The following CACNA1C variants were observed in gnomAD, a reference collection of about 807,000 sequenced individuals.
The protein encoded by CACNA1C is voltage-dependent L-type calcium channel subunit alpha-1C.
A neutral mutation model predicts 229.0 loss-of-function variants in CACNA1C; 30 were observed. The ratio of observed to expected loss-of-function variants is 0.13; its 90% CI spans 0.10 to 0.18. The LOEUF (loss-of-function observed/expected upper bound fraction) is 0.18. Among genes scored for constraint, CACNA1C ranks in the 10% least tolerant of loss-of-function variants. The pLI is 1.00. For synonymous variants in CACNA1C, 1,114 were observed against 1,132.5 expected (o/e 0.98, Z 0.33); for missense variants, 1,658 against 2,845.0 (o/e 0.58, Z 9.49).
intron 5 of CACNA1C, among the ~76,000 whole-genome samples, chr12:2,482,695 A>C (rs759322655): frequency 6.6e-6 from 1 of 152,142 alleles, no homozygotes; most frequent in Non-Finnish European, 1.5e-5. Flanking sequence ...GATACCTCTG[A>C]GGATGGGGAA....
chr12:2,506,177 T>C (rs2099771425), intron 8 of CACNA1C, among the ~76,000 whole-genome samples: 1 of 152,182 alleles, frequency 6.6e-6, no homozygotes, highest in Non-Finnish European at 1.5e-5. Context: ...CACAGGAGAC[T>C]AGTGCCTTCC....
chr12:2,659,599 C>T (rs756386119), intron 34 of CACNA1C, among the ~76,000 whole-genome samples: 42 of 151,730 alleles, frequency 2.8e-4, no homozygotes, highest in East Asian at 1.7e-3. Flanking sequence ...AAATTCAGAG[C>T]CTGAAATTTA....
At chr12:2,641,670 C>T in intron 30 of CACNA1C, 1 of 701,108 alleles carries the variant, frequency 1.4e-6, no homozygotes, top group Admixed American at 2.0e-5. Flanking sequence ...TGGGTGGTAG[C>T]AACTCAGTGA....
intron 3 of CACNA1C, among the ~76,000 whole-genome samples, chr12:2,172,308 T>C (rs2096517426): frequency 6.6e-6 from 1 of 152,208 alleles, no homozygotes; most frequent in Non-Finnish European, 1.5e-5. Context: ...AGCCAGAGGC[T>C]CTATCCTGCT....
intron 1 of CACNA1C, among the ~76,000 whole-genome samples, chr12:2,014,566 A>G (rs1278623858): frequency 6.6e-6 from 1 of 152,206 alleles, no homozygotes; most frequent in Admixed American, 6.5e-5. Context: ...TGGACACATA[A>G]GCAGGTAATC....
chr12:2,565,233 C>T (rs982808852), intron 11 of CACNA1C, among the ~76,000 whole-genome samples: 26 of 152,040 alleles, frequency 1.7e-4, no homozygotes, highest in Non-Finnish European at 2.9e-4. Flanking sequence ...CTTTGGGAGG[C>T]CGAGGCGGGT....
intron 3 of CACNA1C, among the ~76,000 whole-genome samples, chr12:2,356,948 G>A (rs996778618): frequency 5.3e-5 from 8 of 152,186 alleles, no homozygotes; most frequent in African/African-American, 1.7e-4. Context: ...TGCCTTGGCC[G>A]TTCTAGAGTG....
intron 3 of CACNA1C, among the ~76,000 whole-genome samples, chr12:2,253,062 C>G (rs1319595789): frequency 1.3e-5 from 2 of 152,152 alleles, no homozygotes; most frequent in East Asian, 3.9e-4. Flanking sequence ...CTCTTTATGC[C>G]CTTGTCCCCA....
chr12:2,059,968 AT>A (rs1480474056), intron 1 of CACNA1C, among the ~76,000 whole-genome samples: 2 of 152,108 alleles, frequency 1.3e-5, no homozygotes, highest in Admixed American at 6.5e-5. Context: ...AATTTCTGCG[AT>A]GTTAGATTTA....
chr12:2,437,332 A>G (rs2099144240), intron 3 of CACNA1C, among the ~76,000 whole-genome samples: 1 of 152,172 alleles, frequency 6.6e-6, no homozygotes, highest in Admixed American at 6.5e-5. Context: ...CAAAGCCCCA[A>G]CACACTTCCC....
chr12:2,120,656 C>CTGTGTGTGTGTGTGTGTGTG (rs112680750), intron 3 of CACNA1C, among the ~76,000 whole-genome samples: 17 of 139,856 alleles, frequency 1.2e-4, no homozygotes, highest in Admixed American at 3.5e-4. Flanking sequence ...GTGGTGAGCT[C>CTGTGTGTGTGTGTGTGTGTG]TGTGTGTGTG....
chr12:2,575,055 G>C lies in CACNA1C; in HGVS notation c.1896-6535G>C, dbSNP rs1407800435. Among the ~76,000 whole-genome samples the C allele has an allele frequency of 3.9e-5, 6 of 152,176 alleles. No individual in the cohort carries two copies. The highest frequency in any genetic ancestry group is 1.4e-4 in the African/African-American group (6 of 41,434). On this transcript the variant is annotated intron_variant, in intron 13 of 46. Transcript: ENST00000399655. The surrounding 1 kb of genome is among the most constrained non-coding windows in gnomAD (Gnocchi z 4.0). Reference sequence around the variant, plus strand: ...AAGCTCAGAGAAGCATGCTGCTAAGGCCATCCCCAGGTCCAGGCCAGACCA... The same window carrying C: ...AAGCTCAGAGAAGCATGCTGCTAAGCCCATCCCCAGGTCCAGGCCAGACCA...
intron 18 of CACNA1C, among the ~76,000 whole-genome samples, chr12:2,587,328 T>C (rs1033625313): frequency 3.3e-5 from 5 of 152,208 alleles, no homozygotes; most frequent in African/African-American, 9.7e-5. Context: ...TGTAAATCTT[T>C]AAGGTTTAAA....
At chr12:2,549,471 C>T (rs371761989) in intron 9 of CACNA1C, among the ~76,000 whole-genome samples, 3 of 152,220 alleles carry the variant, frequency 2.0e-5, no homozygotes, top group Non-Finnish European at 2.9e-5. Context: ...GTAGCAAGCA[C>T]GCCCTTTCTA....
chr12:2,113,406 G>T (rs975696649), intron 1 of CACNA1C, among the ~76,000 whole-genome samples: 7 of 152,176 alleles, frequency 4.6e-5, no homozygotes, highest in African/African-American at 1.7e-4. Context: ...ATAAGAGTTG[G>T]GGAGGTGGCT....
In CACNA1C at chr12:2,605,646, C is replaced by A; in HGVS notation, c.3049-33C>A. 2 of 1,522,812 alleles carry A rather than the reference C, an allele frequency of 1.3e-6. No homozygotes were observed. The highest frequency in any genetic ancestry group is 1.1e-5 in the South Asian group (1 of 89,132). 94.3% of individuals were successfully genotyped at this position (1,522,812 alleles called of 1,614,324 possible). On this transcript the variant is annotated intron_variant, in intron 23 of 46. Transcript: ENST00000399655. This position sits in a 1 kb window ranked among gnomAD's most constrained non-coding sequence, Gnocchi z 6.2. ...GAAAGGCTCCTGGCATCTCCTGAAG[C>A]CACGTCCCTCTCCCCGTCCCTTCCC...
intron 5 of CACNA1C, among the ~76,000 whole-genome samples, chr12:2,458,805 G>T (rs2099466018): frequency 6.6e-6 from 1 of 151,984 alleles, no homozygotes; most frequent in Non-Finnish European, 1.5e-5. Context: ...TTTACTTTTT[G>T]TTCATGCACG....
chr12:2,287,959 G>A lies in CACNA1C; in HGVS notation c.478-161017G>A, dbSNP rs886147113. The A allele has an allele frequency of 6.6e-6, 1 of 150,886 alleles. No homozygotes were observed. Among genetic ancestry groups the A allele is most frequent in the Non-Finnish European group, 1.5e-5 (1 of 67,752 alleles). The allele number at this position is 150,886 out of a possible 1,614,324, so 9.3% of individuals were successfully genotyped here. A position where few individuals can be genotyped will look rare whatever the true frequency, so the allele number is the denominator to read the frequency against. On this transcript the variant is annotated intron_variant, in intron 3 of 46. Coordinates refer to ENST00000399655, the MANE Select transcript of CACNA1C (RefSeq NM_000719.7). The surrounding 1 kb of genome is among the most constrained non-coding windows in gnomAD (Gnocchi z 4.6). The stretch of plus-strand genomic sequence containing the variant: ...TTAACATATAGCTCTGGCTGAAAAC[G>A]ATTTCTGATCATTGATTTTTTTTTT...
intron 1 of CACNA1C, among the ~76,000 whole-genome samples, chr12:2,036,213 G>A (rs1030719937): frequency 4.6e-5 from 7 of 152,160 alleles, no homozygotes. Flanking sequence ...ATGATGCCAC[G>A]TAGACCTAGT....
Sources: allele counts gnomAD v4.1 joint callset (sites outside exome capture counted in the v4.1 genomes callset), GRCh38; gene constraint gnomAD v4.1.1; non-coding constraint Gnocchi (gnomAD v3.1); transcripts MANE v1.5; gene names NCBI Gene and HGNC (gene_info 2026-07-23, HGNC 2026-07-21).